FNBP1: variants seen among roughly 807,000 people sequenced by gnomAD.
FNBP1 encodes the protein formin binding protein 1.
A neutral mutation model predicts 90.6 loss-of-function variants in FNBP1; 26 were observed. The ratio of observed to expected loss-of-function variants is 0.29; its 90% CI spans 0.21 to 0.40. FNBP1 has a LOEUF of 0.40. Ranked by LOEUF, FNBP1 falls within the 10% of genes least tolerant of loss-of-function variation. The pLI is 1.00. For missense variants in FNBP1, 635 were observed against 768.0 expected, an observed-to-expected ratio of 0.83 and a Z score of 2.05; for synonymous variants, 260 against 265.2, an observed-to-expected ratio of 0.98 and a Z score of 0.19.
At position 129,937,787 on chromosome 9, in the gene FNBP1, G is replaced by A. The variant is rs994814753; in HGVS notation, c.514-8092C>T. Among the ~76,000 whole-genome samples the A allele has an allele frequency of 3.9e-5, 6 of 151,934 alleles. No individual in the cohort carries two copies. In the East Asian group the frequency reaches 1.2e-3, roughly 29 times the overall value. ...AGTTTGCCTTTGACAAATTTATAAG[G>A]GCAGCTAAAACACAAAACAGAGAAA... On this transcript the variant is annotated intron_variant, in intron 6 of 16. Coordinates refer to ENST00000446176, the MANE Select transcript of FNBP1 (RefSeq NM_015033.3).
At chr9:129,924,436 G>A (rs2041578959) in intron 9 of FNBP1, among the ~76,000 whole-genome samples, 1 of 152,216 alleles carries the variant, frequency 6.6e-6, no homozygotes, top group African/African-American at 2.4e-5. Context: ...TAAATAGTAA[G>A]TCATTCTAAA....
intron 12 of FNBP1, 44 bp from the exon 13 acceptor site, chr9:129,903,045 T>C: frequency 6.5e-7 from 1 of 1,536,588 alleles, no homozygotes; most frequent in South Asian, 1.2e-5. Context: ...TTACTCCATT[T>C]TTTTTTTAGA....
upstream of FNBP1, among the ~76,000 whole-genome samples, chr9:130,046,909 C>G (rs149805472): frequency 1.0e-3 from 157 of 152,010 alleles, 1 homozygote; most frequent in East Asian, 0.028. Flanking sequence ...TCCCTAGGTT[C>G]TGTGAGGCAC....
At chr9:129,912,606 T>TA (rs1251048213) in intron 11 of FNBP1, among the ~76,000 whole-genome samples, 1 of 148,962 alleles carries the variant, frequency 6.7e-6, no homozygotes, top group Non-Finnish European at 1.5e-5. Flanking sequence ...GAAAATCGCT[T>TA]GAACCCGGGA....
chr9:129,944,264 CGG>C, intron 6 of FNBP1, among the ~76,000 whole-genome samples: 1 of 152,008 alleles, frequency 6.6e-6, no homozygotes, highest in Non-Finnish European at 1.5e-5. Context: ...AAAATATGGC[CGG>C]GTGCGGTAGC....
At position 129,908,969 on chromosome 9, in the gene FNBP1, G is replaced by C. The variant is rs1256433705; in HGVS notation, c.1216C>G (p.Pro406Ala). The part of the protein sequence containing the change: ...GATPEDFSNL[P>A]PEQRRKKLQQ... ...AGCTTTTTCCTTCTTTGTTCAGGTG[G>C]GAGGTTGCTGAAATCCTCCGGTGTT... Residue 406 changes from proline to alanine, a missense_variant, in exon 12 of 17, where the codon CCA (proline) becomes GCA (alanine). Pro to Ala is a conservative substitution (Grantham distance 27). Transcript: ENST00000446176. The C allele has an allele frequency of 6.2e-7, 1 of 1,613,488 alleles. No individual in the cohort carries two copies. The highest frequency in any genetic ancestry group is 8.5e-7 in the Non-Finnish European group (1 of 1,179,766).
At chr9:129,939,005 A>T (rs1003169709) in intron 6 of FNBP1, among the ~76,000 whole-genome samples, 1 of 152,062 alleles carries the variant, frequency 6.6e-6, no homozygotes, top group Admixed American at 6.6e-5. Flanking sequence ...GAGACAGAGT[A>T]TCCCTCTTGT....
upstream of FNBP1, among the ~76,000 whole-genome samples, chr9:130,045,722 G>C (rs1174169665): frequency 2.6e-5 from 4 of 152,116 alleles, no homozygotes; most frequent in African/African-American, 7.2e-5. Flanking sequence ...GAAAGTGTCA[G>C]AATCTTCAAA....
At chr9:130,044,548 G>A (rs180790578), upstream of FNBP1, among the ~76,000 whole-genome samples, 2 of 152,308 alleles carry the variant, frequency 1.3e-5, no homozygotes, top group East Asian at 3.9e-4. Context: ...AGGATCGCTT[G>A]AGCCTAGAAG....
chr9:129,908,764 G>A (rs2038659318), intron 12 of FNBP1, 126 bp downstream of exon 12: 2 of 619,284 alleles, frequency 3.2e-6, no homozygotes, highest in South Asian at 1.8e-5. Context: ...TGTAGGCCAG[G>A]ATGGTCTTGA....
intron 12 of FNBP1, among the ~76,000 whole-genome samples, chr9:129,906,293 G>C (rs920549870): frequency 6.6e-6 from 1 of 152,172 alleles, no homozygotes; most frequent in Non-Finnish European, 1.5e-5. Context: ...GTGAAACAAA[G>C]ATATACTCAA....
At chr9:129,946,283 T>A (rs1169136131) in intron 6 of FNBP1, among the ~76,000 whole-genome samples, 1 of 152,224 alleles carries the variant, frequency 6.6e-6, no homozygotes, top group Non-Finnish European at 1.5e-5. Flanking sequence ...AACAGGGACA[T>A]CTATATGTAG....
At chr9:129,999,863 C>G (rs945982613) in intron 1 of FNBP1, among the ~76,000 whole-genome samples, 2 of 152,144 alleles carry the variant, frequency 1.3e-5, no homozygotes, top group Non-Finnish European at 2.9e-5. Flanking sequence ...TAATAGAAGA[C>G]AGCTGGATTA....
intron 4 of FNBP1, among the ~76,000 whole-genome samples, chr9:129,972,939 C>T (rs2049716433): frequency 6.6e-6 from 1 of 152,206 alleles, no homozygotes; most frequent in African/African-American, 2.4e-5. Flanking sequence ...TATACTGGAA[C>T]GTTGTGCTGG....
intron 4 of FNBP1, among the ~76,000 whole-genome samples, chr9:129,960,449 TTGAG>T (rs1354328771): frequency 6.7e-6 from 1 of 149,796 alleles, no homozygotes; most frequent in Non-Finnish European, 1.5e-5. Context: ...CTATAAACAC[TTGAG>T]TAAGAGTTTT....
At chr9:130,003,703 C>G (rs557646155) in intron 1 of FNBP1, among the ~76,000 whole-genome samples, 4 of 151,902 alleles carry the variant, frequency 2.6e-5, no homozygotes, top group Admixed American at 1.3e-4. Context: ...AAGGGCAGAT[C>G]ACAGGGCCAG....
chr9:129,955,268 C>T (rs899561991), intron 6 of FNBP1, among the ~76,000 whole-genome samples: 14 of 151,772 alleles, frequency 9.2e-5, no homozygotes, highest in African/African-American at 1.2e-4. Context: ...GGGTCTGGCT[C>T]TGTCATCCAG....
chr9:130,043,905 C>T (rs1057088717), upstream of FNBP1, among the ~76,000 whole-genome samples: 1 of 152,242 alleles, frequency 6.6e-6, no homozygotes, highest in African/African-American at 2.4e-5. Flanking sequence ...GCCTCCCGCA[C>T]GTGCTGGCCG....
rs1179853792 is a variant in FNBP1, at chr9:130,031,259, C to T, written c.24+11693G>A. On this transcript the variant is annotated intron_variant, in intron 1 of 16. Coordinates refer to ENST00000446176, the MANE Select transcript of FNBP1 (RefSeq NM_015033.3). The surrounding 1 kb of genome is among the most constrained non-coding windows in gnomAD (Gnocchi z 4.2). ...TCGGCCCAGCGTGGCCTGAAGCTACCGAGCTCCTCTCCATCCTTCTCCACA... is the reference window on the plus strand; with the variant it reads ...TCGGCCCAGCGTGGCCTGAAGCTACTGAGCTCCTCTCCATCCTTCTCCACA... Among the ~76,000 whole-genome samples the T allele has an allele frequency of 2.0e-5, 3 of 152,224 alleles. No individual in the cohort carries two copies. Among genetic ancestry groups the T allele is most frequent in the African/African-American group, 4.8e-5 (2 of 41,468 alleles).
Sources: gnomAD v4.1 joint callset for allele counts (sites outside exome capture counted in the v4.1 genomes callset) on GRCh38, gnomAD v4.1.1 for gene constraint, Gnocchi (gnomAD v3.1) non-coding constraint, MANE v1.5 for transcripts, NCBI Gene and HGNC (gene_info 2026-07-23, HGNC 2026-07-21) for gene names.